The following AK9 variants were observed in gnomAD, a reference collection of about 807,000 sequenced individuals.
AK9 encodes adenylate kinase domain containing 1.
AK9 carries 191 observed loss-of-function variants against 239.6 expected under a neutral mutation model. The observed-to-expected ratio is 0.80, with a 90% confidence interval of 0.71 to 0.90. The LOEUF is 0.90. Among genes scored for constraint, AK9 ranks in the 40% least tolerant of loss-of-function variants. The probability of loss-of-function intolerance (pLI) is 0.00; values close to 1 mark genes in which losing one functional copy is unlikely to be tolerated. For missense variants in AK9, 1,995 were observed against 2,214.7 expected, an observed-to-expected ratio of 0.90 and a Z score of 1.99; for synonymous variants, 689 against 721.0, an observed-to-expected ratio of 0.96 and a Z score of 0.71.
intron 8 of AK9, among the ~76,000 whole-genome samples, chr6:109,652,659 A>T (rs1799134778): frequency 6.6e-6 from 1 of 152,184 alleles, no homozygotes; most frequent in African/African-American, 2.4e-5. Context: ...TCTTTTTATG[A>T]AAGTTTTAAA....
At position 109,641,591 on chromosome 6, in the gene AK9, A is replaced by C. The variant is rs867393566; in HGVS notation, c.860T>G (p.Leu287Arg). ...FMIVMDRLKY[L>R]NLKRAAILTK... is the part of the protein sequence containing the mutation. ...TAGAATAGCTGCTCTTTTTAGGTTC[A>C]GATATTTAAGTCGATCCATAACAAT... Residue 287 changes from leucine (L) to arginine (R), a missense_variant, in exon 10 of 41, where the codon CTG becomes CGG. Leu to Arg is a moderately radical substitution (Grantham distance 102). Coordinates refer to ENST00000424296, the MANE Select transcript of AK9 (RefSeq NM_001145128.3). 2.5e-6 allele frequency: 4 copies of C among 1,613,254 alleles called. No homozygotes were observed. In the African/African-American group the frequency reaches 4.0e-5, roughly 16 times the overall value.
At position 109,597,076 on chromosome 6, in the gene AK9, G is replaced by GT. The variant is rs201148898; in HGVS notation, c.1843-11005dup. Among the ~76,000 whole-genome samples the GT allele has an allele frequency of 2.9e-3, 442 of 150,622 alleles. 1 individual carries two copies. The highest frequency in any genetic ancestry group is 7.3e-3 in the African/African-American group (299 of 41,062). On this transcript the variant is annotated intron_variant, in intron 17 of 40. Transcript: ENST00000424296. ...AAAATCTTTATTTTACTAACATTGT[G>GT]TTTTTTTTTACAACATCTGTAAATC...
chr6:109,675,801 G>A (rs1012501873), intron 1 of AK9, 45 bp from the exon 2 acceptor site: 35 of 1,161,082 alleles, frequency 3.0e-5, no homozygotes, highest in Admixed American at 2.9e-4. Flanking sequence ...TAATTTGGTT[G>A]GATGAGGTGA....
intron 17 of AK9, among the ~76,000 whole-genome samples, chr6:109,588,094 G>C (rs531354136): frequency 2.9e-4 from 43 of 149,894 alleles, no homozygotes; most frequent in African/African-American, 1.1e-3. Context: ...TTTTTGAGAC[G>C]GAGTTTCGCT....
chr6:109,539,754 A>C (rs1395665112), intron 27 of AK9, among the ~76,000 whole-genome samples: 1 of 151,974 alleles, frequency 6.6e-6, no homozygotes, highest in Non-Finnish European at 1.5e-5. Context: ...TTGGTCTTTG[A>C]TGATGGTGAC....
chr6:109,661,599 G>A (rs569790280), intron 6 of AK9, among the ~76,000 whole-genome samples: 1 of 152,276 alleles, frequency 6.6e-6, no homozygotes, highest in South Asian at 2.1e-4. Context: ...ACATTCTCAA[G>A]TTCACTCACA....
chr6:109,688,507 T>C lies in AK9; in HGVS notation c.-12+2640A>G, dbSNP rs1034730132. On this transcript the variant is annotated intron_variant, in intron 1 of 40. Transcript: ENST00000424296. Reference sequence around the variant, plus strand: ...CCTAGAAGCTACTGGTTTGACAGAATGTTGGAATGGTCTCTTAAAGGCACA... The same window carrying C: ...CCTAGAAGCTACTGGTTTGACAGAACGTTGGAATGGTCTCTTAAAGGCACA... 2.0e-5 allele frequency among the ~76,000 whole-genome samples: 3 copies of C among 152,184 alleles called. No individual in the cohort carries two copies. The South Asian group carries it at 6.2e-4, about 31-fold the overall frequency.
chr6:109,496,814 C>T (rs1360464226), intron 38 of AK9, among the ~76,000 whole-genome samples: 1 of 152,196 alleles, frequency 6.6e-6, no homozygotes, highest in East Asian at 1.9e-4. Context: ...CCATGGTCTA[C>T]ACTTTAGTAG....
chr6:109,646,065 C>T (rs754329492), intron 8 of AK9, among the ~76,000 whole-genome samples: 14 of 152,114 alleles, frequency 9.2e-5, no homozygotes, highest in Non-Finnish European at 1.3e-4. Context: ...AAAAGGACAT[C>T]GACACCAAAA....
intron 35 of AK9, among the ~76,000 whole-genome samples, chr6:109,500,034 T>TACACACACACACACAC (rs36086518): frequency 5.0e-4 from 71 of 141,464 alleles, no homozygotes; most frequent in East Asian, 2.5e-3. Context: ...ATATATATGA[T>TACACACACACACACAC]ACACACACAC....
At chr6:109,672,349 T>A (rs931602436) in intron 3 of AK9, among the ~76,000 whole-genome samples, 182 bp from the exon 4 acceptor site, 4 of 152,188 alleles carry the variant, frequency 2.6e-5, no homozygotes, top group Non-Finnish European at 5.9e-5. Flanking sequence ...CAGCAGAATG[T>A]CTTCCATAGA....
intron 29 of AK9, among the ~76,000 whole-genome samples, chr6:109,518,655 T>A (rs902112328): frequency 2.0e-5 from 3 of 152,038 alleles, no homozygotes; most frequent in African/African-American, 7.2e-5. Flanking sequence ...TTGGTTAGGA[T>A]CCTTACAAAT....
Position 109,644,611 on chromosome 6 carries a change from C to T in AK9, c.834+3G>A. 4 of 1,608,910 alleles carry T rather than the reference C, an allele frequency of 2.5e-6. No individual in the cohort carries two copies. Among genetic ancestry groups the T allele is most frequent in the Non-Finnish European group, 3.4e-6 (4 of 1,178,276 alleles). Reference sequence around the variant, plus strand: ...AAGTATTCCTGCTTAACACTGCACTCACCATAAAGAGCTCCTCTGCTGGTT... The same window carrying T: ...AAGTATTCCTGCTTAACACTGCACTTACCATAAAGAGCTCCTCTGCTGGTT... On this transcript the variant is annotated splice_donor_region_variant and intron_variant, in intron 9 of 40. Coordinates refer to ENST00000424296, the MANE Select transcript of AK9 (RefSeq NM_001145128.3).
intron 27 of AK9, among the ~76,000 whole-genome samples, chr6:109,537,634 T>C (rs1400082369): frequency 6.6e-6 from 1 of 151,186 alleles, no homozygotes; most frequent in Non-Finnish European, 1.5e-5. Context: ...AGTTATTTCT[T>C]GCCTTCTGCT....
chr6:109,516,241 T>C (rs1010324498), intron 30 of AK9, among the ~76,000 whole-genome samples, 166 bp from the exon 31 acceptor site: 4 of 152,224 alleles, frequency 2.6e-5, no homozygotes, highest in African/African-American at 9.6e-5. Context: ...ACTCTGACCC[T>C]CTGTGGCTTC....
Position 109,549,477 on chromosome 6 carries a change from C to T in AK9, c.2964+613G>A, listed in dbSNP as rs9480975. 5.6e-3 allele frequency among the ~76,000 whole-genome samples: 855 copies of T among 152,224 alleles called. 9 individuals are homozygous for T. The highest frequency in any genetic ancestry group is 0.02 in the African/African-American group (825 of 41,550). On this transcript the variant is annotated intron_variant, in intron 25 of 40. Transcript: ENST00000424296. Reference sequence around the variant, plus strand: ...CTGAAAGACTAACCAGAATGACTGGCCTCACTATAGTAAGGAATTAATCCA... The same window carrying T: ...CTGAAAGACTAACCAGAATGACTGGTCTCACTATAGTAAGGAATTAATCCA...
chr6:109,670,406 G>A (rs1801896548), intron 5 of AK9, among the ~76,000 whole-genome samples: 1 of 152,210 alleles, frequency 6.6e-6, no homozygotes, highest in Non-Finnish European at 1.5e-5. Context: ...TAGGTTGAGA[G>A]AAGGGAGTAA....
In AK9 at chr6:109,633,319, T is replaced by A; in HGVS notation, c.938A>T (p.Glu313Val). 6.3e-7 allele frequency: 1 copy of A among 1,592,920 alleles called. No homozygotes were observed. Among genetic ancestry groups the A allele is most frequent in the Non-Finnish European group, 8.5e-7 (1 of 1,176,426 alleles). The change falls in exon 11 of 41, where the codon GAG (glutamate) becomes GTG (valine). Residue 313 changes from glutamate (E) to valine (V), a missense_variant. By Grantham distance (121) the Glu-to-Val change is moderately radical. Around this residue, in one of 5 missense-constraint regions of AK9, gnomAD observed 1,290 missense variants for 1,392.7 expected, o/e 0.93. Transcript: ENST00000424296. The part of the protein sequence containing the change: ...EEINDTMEND[E>V]LFRTLASYKL... Reference sequence around the variant, plus strand: ...ATAAGATGCAAGAGTACGAAATAGCTCATCCTGTGAATTGCAAATACTACA... The same window carrying A: ...ATAAGATGCAAGAGTACGAAATAGCACATCCTGTGAATTGCAAATACTACA...
At chr6:109,608,017 C>T (rs138375710) in intron 17 of AK9, among the ~76,000 whole-genome samples, 4,366 of 151,622 alleles carry the variant, frequency 0.029, 97 homozygotes, top group East Asian at 0.11. Context: ...GGATCACGCC[C>T]GTAATCCCAG....
Sources: allele counts gnomAD v4.1 joint callset (sites outside exome capture counted in the v4.1 genomes callset), GRCh38; gene constraint gnomAD v4.1.1; regional missense constraint gnomAD v4.1.1; transcripts MANE v1.5; gene names NCBI Gene and HGNC (gene_info 2026-07-23, HGNC 2026-07-21).